The following SUGCT variants were observed in gnomAD, a reference collection of about 807,000 sequenced individuals.
The protein encoded by SUGCT is succinyl-CoA:glutarate-CoA transferase.
In SUGCT, 41 loss-of-function variants were observed where a neutral mutation model predicts 55.0. That is an observed-to-expected ratio of 0.74 (90% CI 0.58 to 0.97). SUGCT has a LOEUF of 0.97. Ranked by LOEUF, SUGCT falls within the 50% of genes least tolerant of loss-of-function variation. SUGCT has a pLI of 0.00. For synonymous variants in SUGCT, 187 were observed against 200.4 expected (o/e 0.93, Z 0.56); for missense variants, 568 against 547.8 (o/e 1.04, Z -0.37).
chr7:40,572,946 T>C (rs193178439), intron 12 of SUGCT, among the ~76,000 whole-genome samples: 174 of 152,294 alleles, frequency 1.1e-3, no homozygotes, highest in Non-Finnish European at 2.0e-3. Context: ...ATCTGTCCTC[T>C]GCGTTATTTG....
intron 6 of SUGCT, among the ~76,000 whole-genome samples, chr7:40,236,037 T>A (rs1438971088): frequency 6.6e-6 from 1 of 152,090 alleles, no homozygotes; most frequent in Non-Finnish European, 1.5e-5. Flanking sequence ...TAGCTTCTGA[T>A]ACAACCTTTA....
chr7:41,035,855 C>T, the SUGCT span, among the ~76,000 whole-genome samples: 1 of 152,172 alleles, frequency 6.6e-6, no homozygotes, highest in African/African-American at 2.4e-5. Flanking sequence ...ACAGGAACCC[C>T]CAGCCTTGCA....
At chr7:40,236,959 A>G (rs1339087497) in intron 6 of SUGCT, among the ~76,000 whole-genome samples, 1 of 151,832 alleles carries the variant, frequency 6.6e-6, no homozygotes, top group Non-Finnish European at 1.5e-5. Flanking sequence ...CAGCCTTCCC[A>G]GTGGCTGGGA....
the SUGCT span, among the ~76,000 whole-genome samples, chr7:41,016,790 G>A: frequency 6.6e-6 from 1 of 152,088 alleles, no homozygotes; most frequent in Non-Finnish European, 1.5e-5. Context: ...CCATTCTAAT[G>A]CTCACCTGTG....
At chr7:40,249,323 A>ATCTATCTATATATATCTATC (rs1562612037) in intron 7 of SUGCT, among the ~76,000 whole-genome samples, 7 of 91,790 alleles carry the variant, frequency 7.6e-5, no homozygotes, top group African/African-American at 2.7e-4. Context: ...CTATATATAT[A>ATCTATCTATATATATCTATC]TATATATATA....
intron 13 of SUGCT, among the ~76,000 whole-genome samples, chr7:40,802,697 C>T (rs376564344): frequency 7.2e-5 from 11 of 152,090 alleles, no homozygotes; most frequent in African/African-American, 2.2e-4. Context: ...ACTTACCCAA[C>T]CTAAAAACCA....
At chr7:40,264,825 T>G (rs1372200026) in intron 7 of SUGCT, among the ~76,000 whole-genome samples, 2 of 152,212 alleles carry the variant, frequency 1.3e-5, no homozygotes, top group African/African-American at 2.4e-5. Flanking sequence ...TTGATTGAGA[T>G]TCTCATCTCG....
At chr7:40,293,892 C>G (rs1346037330) in intron 8 of SUGCT, among the ~76,000 whole-genome samples, 1 of 152,096 alleles carries the variant, frequency 6.6e-6, no homozygotes, top group South Asian at 2.1e-4. Flanking sequence ...TGTCTTTGCT[C>G]TACAGGCTAC....
chr7:40,685,492 T>C (rs1784424744), intron 12 of SUGCT, among the ~76,000 whole-genome samples: 1 of 152,196 alleles, frequency 6.6e-6, no homozygotes, highest in African/African-American at 2.4e-5. Context: ...TTTGTGGAGA[T>C]TTTGCATGCA....
At chr7:40,953,807 C>T in the SUGCT span, among the ~76,000 whole-genome samples, 2 of 152,230 alleles carry the variant, frequency 1.3e-5, no homozygotes, top group Non-Finnish European at 2.9e-5. Flanking sequence ...GATCATTCCT[C>T]TGGAAGTTTT....
At chr7:40,860,109 T>G (rs1794415955) in intron 13 of SUGCT, among the ~76,000 whole-genome samples, 1 of 152,198 alleles carries the variant, frequency 6.6e-6, no homozygotes, top group African/African-American at 2.4e-5. Flanking sequence ...GCGAGTCAGA[T>G]GAGCACTGCA....
intron 9 of SUGCT, among the ~76,000 whole-genome samples, chr7:40,443,689 G>GGTA (rs1788646487): frequency 6.6e-6 from 1 of 152,046 alleles, no homozygotes; most frequent in South Asian, 2.1e-4. Flanking sequence ...TCACTCTGAT[G>GGTA]GTAGTTTCTT....
intron 12 of SUGCT, among the ~76,000 whole-genome samples, chr7:40,716,682 C>T (rs940110822): frequency 6.6e-6 from 1 of 151,884 alleles, no homozygotes; most frequent in African/African-American, 2.4e-5. Flanking sequence ...CTAAGGTAAG[C>T]GTTTATCACA....
At chr7:40,650,947 C>T (rs1800746655) in intron 12 of SUGCT, among the ~76,000 whole-genome samples, 1 of 152,144 alleles carries the variant, frequency 6.6e-6, no homozygotes, top group Admixed American at 6.5e-5. Flanking sequence ...TCAGCTTCCA[C>T]CTATAAACAA....
intron 7 of SUGCT, among the ~76,000 whole-genome samples, chr7:40,244,428 T>C (rs1789678551): frequency 6.6e-6 from 1 of 152,114 alleles, no homozygotes; most frequent in African/African-American, 2.4e-5. Context: ...TTTCAGGACA[T>C]AAGGGGAAGG....
chr7:40,846,388 A>AG (rs1194142274), intron 13 of SUGCT, among the ~76,000 whole-genome samples: 3 of 149,440 alleles, frequency 2.0e-5, no homozygotes, highest in Non-Finnish European at 4.5e-5. Context: ...AAAAAAAAAA[A>AG]CAGTCAGGAG....
At chr7:40,362,355 G>T (rs1409395142) in intron 9 of SUGCT, among the ~76,000 whole-genome samples, 1 of 151,974 alleles carries the variant, frequency 6.6e-6, no homozygotes, top group Admixed American at 6.6e-5. Context: ...GGAGGCAGAA[G>T]TTGCAGTGAG....
chr7:40,517,536 T>C (rs1562831861), intron 12 of SUGCT, among the ~76,000 whole-genome samples: 1 of 152,142 alleles, frequency 6.6e-6, no homozygotes, highest in Non-Finnish European at 1.5e-5. Flanking sequence ...TTTTGAGTTG[T>C]TGAGTGTTTT....
intron 12 of SUGCT, among the ~76,000 whole-genome samples, chr7:40,543,489 G>C (rs1323919243): frequency 6.6e-6 from 1 of 152,156 alleles, no homozygotes; most frequent in Non-Finnish European, 1.5e-5. Flanking sequence ...CCGTACATCT[G>C]TTTAACATCT....
Sources: gnomAD v4.1 joint callset for allele counts (sites outside exome capture counted in the v4.1 genomes callset) on GRCh38, gnomAD v4.1.1 for gene constraint, MANE v1.5 for transcripts, NCBI Gene and HGNC (gene_info 2026-07-23, HGNC 2026-07-21) for gene names.